Variants in TSPAN9 observed in about 807,000 individuals in gnomAD.
TSPAN9 encodes tetraspanin-9.
In TSPAN9, 16 loss-of-function variants were observed where a neutral mutation model predicts 31.0. The ratio of observed to expected loss-of-function variants is 0.52; its 90% CI spans 0.35 to 0.78. The LOEUF is 0.78. TSPAN9 is among the 30% of genes least tolerant of loss of function. TSPAN9 has a pLI of 0.01. For missense variants in TSPAN9, 272 were observed against 312.5 expected (o/e 0.87, Z 0.98); for synonymous variants, 145 against 121.6 (o/e 1.19, Z -1.27).
intron 2 of TSPAN9, chr12:3,124,791 CT>C: frequency 6.6e-6 from 1 of 152,228 alleles, no homozygotes; most frequent in Non-Finnish European, 1.5e-5. Flanking sequence ...GGTGTGGTGG[CT>C]CACATCTGTA....
chr12:3,261,078 T>G (rs996906485), intron 3 of TSPAN9, among the ~76,000 whole-genome samples: 5 of 152,028 alleles, frequency 3.3e-5, no homozygotes, highest in Admixed American at 2.6e-4. Context: ...TCCTACCCTG[T>G]GTTCTGGCCA....
chr12:3,201,407 T>G, intron 3 of TSPAN9, 151 bp downstream of exon 3: 1 of 675,888 alleles, frequency 1.5e-6, no homozygotes, highest in Middle Eastern at 2.6e-4. Context: ...CCCGCCCCCC[T>G]TTCATGCACC....
At chr12:3,240,035 C>G (rs942598775) in intron 3 of TSPAN9, among the ~76,000 whole-genome samples, 1 of 150,904 alleles carries the variant, frequency 6.6e-6, no homozygotes, top group Non-Finnish European at 1.5e-5. Flanking sequence ...TTTTTTTTTC[C>G]TTTTAGCTTT....
chr12:3,245,583 GC>G (rs1862107407), intron 3 of TSPAN9, among the ~76,000 whole-genome samples: 1 of 152,172 alleles, frequency 6.6e-6, no homozygotes, highest in East Asian at 1.9e-4. Flanking sequence ...GGAGAAGCCT[GC>G]CTGCCCCGTG....
intron 3 of TSPAN9, among the ~76,000 whole-genome samples, chr12:3,210,676 C>T (rs61907311): frequency 0.06 from 9,065 of 151,258 alleles, 372 homozygotes; most frequent in Non-Finnish European, 0.087. Context: ...AAATTTTCAG[C>T]CTCTTCTTTG....
intron 7 of TSPAN9, 39 bp downstream of exon 7, chr12:3,281,368 T>C (rs1354730596): frequency 7.9e-6 from 12 of 1,527,290 alleles, no homozygotes; most frequent in Non-Finnish European, 1.1e-5. Flanking sequence ...CAAGAGCCCG[T>C]GTGTGGATGC....
chr12:3,275,341 G>A (rs983113633), intron 3 of TSPAN9, among the ~76,000 whole-genome samples: 2 of 152,198 alleles, frequency 1.3e-5, no homozygotes, highest in Non-Finnish European at 2.9e-5. Flanking sequence ...GAGCTCTGGG[G>A]TCCTGCGTGT....
Position 3,283,148 on chromosome 12 carries a change from G to A in TSPAN9, c.*32G>A. ...TGGCCGGGAGTGCCCACCCCGCCCT[G>A]CTGCCCTGTGGAGGGAAGAGGATTG... On this transcript the variant is annotated 3_prime_UTR_variant, in exon 9 of 9. Transcript: ENST00000011898. The A allele has an allele frequency of 1.2e-6, 2 of 1,601,312 alleles. No individual in the cohort carries two copies. Among genetic ancestry groups the A allele is most frequent in the Non-Finnish European group, 1.7e-6 (2 of 1,177,384 alleles).
intron 2 of TSPAN9, among the ~76,000 whole-genome samples, chr12:3,096,587 C>A (rs1483830759): frequency 6.6e-6 from 1 of 151,622 alleles, no homozygotes; most frequent in Non-Finnish European, 1.5e-5. Flanking sequence ...TGGCCCTAAT[C>A]TCATCCATTT....
At chr12:3,191,780 T>C (rs1224974524) in intron 2 of TSPAN9, among the ~76,000 whole-genome samples, 1 of 152,204 alleles carries the variant, frequency 6.6e-6, no homozygotes, top group African/African-American at 2.4e-5. Flanking sequence ...CTGGGGTTCA[T>C]GGTCTAGTAG....
chr12:3,278,932 C>T, intron 4 of TSPAN9, 60 bp from the exon 5 acceptor site: 2 of 1,569,740 alleles, frequency 1.3e-6, no homozygotes, highest in Non-Finnish European at 1.8e-6. Flanking sequence ...CCTTCCACAC[C>T]CTCCTTGTCC....
At chr12:3,269,762 G>T (rs1414009440) in intron 3 of TSPAN9, among the ~76,000 whole-genome samples, 1 of 152,260 alleles carries the variant, frequency 6.6e-6, no homozygotes, top group Non-Finnish European at 1.5e-5. Flanking sequence ...TGAGTCACAA[G>T]CGCTCCCTGT....
At chr12:3,180,949 G>A (rs1197785581) in intron 2 of TSPAN9, among the ~76,000 whole-genome samples, 4 of 151,744 alleles carry the variant, frequency 2.6e-5, no homozygotes, top group Admixed American at 2.0e-4. Flanking sequence ...TAGAGGTACC[G>A]CACGGCTCAG....
chr12:3,106,015 C>T (rs962662915), intron 2 of TSPAN9, among the ~76,000 whole-genome samples: 4 of 152,094 alleles, frequency 2.6e-5, no homozygotes, highest in South Asian at 2.1e-4. Flanking sequence ...CACTCATATA[C>T]CCCCTTACCC....
rs957513772 is a variant in TSPAN9 at position 3,168,399 on chromosome 12, G to T, written c.-17-32778G>T. On this transcript the variant is annotated intron_variant, in intron 2 of 8. Transcript: ENST00000011898. This position sits in a 1 kb window ranked among gnomAD's most constrained non-coding sequence, Gnocchi z 4.0. ...GCAATATGTTCCGGGTGCTGTAGGG[G>T]TGCTGGGTGAACAAGAACTGGGCCT... 5.3e-5 allele frequency among the ~76,000 whole-genome samples: 8 copies of T among 152,180 alleles called. No homozygotes were observed. The highest frequency in any genetic ancestry group is 1.7e-4 in the African/African-American group (7 of 41,430).
At chr12:3,115,302 C>A (rs1373535319) in intron 2 of TSPAN9, among the ~76,000 whole-genome samples, 1 of 152,124 alleles carries the variant, frequency 6.6e-6, no homozygotes, top group East Asian at 1.9e-4. Context: ...ACGGACAGAC[C>A]ACATTTTGTT....
chr12:3,209,296 G>A (rs1034958065), intron 3 of TSPAN9, among the ~76,000 whole-genome samples: 5 of 152,082 alleles, frequency 3.3e-5, no homozygotes, highest in Non-Finnish European at 5.9e-5. Flanking sequence ...CACGCACGTT[G>A]ATAGTCGTGG....
intron 2 of TSPAN9, among the ~76,000 whole-genome samples, chr12:3,176,290 A>G (rs1237326804): frequency 2.6e-5 from 4 of 152,182 alleles, no homozygotes; most frequent in South Asian, 2.1e-4. Flanking sequence ...AGAAGGTCCA[A>G]TTTTGCCTGG....
intron 2 of TSPAN9, among the ~76,000 whole-genome samples, chr12:3,109,268 C>CTCTGTG (rs2098316744): frequency 8.4e-6 from 1 of 119,300 alleles, no homozygotes; most frequent in South Asian, 3.0e-4. Context: ...TTCATATAGT[C>CTCTGTG]TGTGTGTGTG....
Sources: allele counts gnomAD v4.1 joint callset (sites outside exome capture counted in the v4.1 genomes callset), GRCh38; gene constraint gnomAD v4.1.1; non-coding constraint Gnocchi (gnomAD v3.1); transcripts MANE v1.5; gene names NCBI Gene and HGNC (gene_info 2026-07-23, HGNC 2026-07-21).